The following RBM19 variants were observed in gnomAD, a reference collection of about 807,000 sequenced individuals.
RBM19 encodes probable RNA-binding protein 19.
A neutral mutation model predicts 116.8 loss-of-function variants in RBM19; 94 were observed. The ratio of observed to expected loss-of-function variants is 0.80; its 90% CI spans 0.68 to 0.95. RBM19 has a LOEUF of 0.95. Among genes scored for constraint, RBM19 ranks in the 40% least tolerant of loss-of-function variants. The pLI, the probability that RBM19 is intolerant of heterozygous loss-of-function variation, is 0.00. For synonymous variants in RBM19, 475 were observed against 494.1 expected, an observed-to-expected ratio of 0.96 and a Z score of 0.51; for missense variants, 1,161 against 1,220.7, an observed-to-expected ratio of 0.95 and a Z score of 0.73.
At chr12:113,879,431 T>TTATATATATATA (rs5801011) in intron 21 of RBM19, among the ~76,000 whole-genome samples, 7,593 of 132,390 alleles carry the variant, frequency 0.057, 409 homozygotes, top group East Asian at 0.17. Flanking sequence ...TACATACATT[T>TTATATATATATA]TATATATATA....
At chr12:113,819,675 C>T (rs528007315), downstream of RBM19, among the ~76,000 whole-genome samples, 5 of 152,296 alleles carry the variant, frequency 3.3e-5, no homozygotes, top group East Asian at 5.8e-4. Flanking sequence ...CCAGTGACAG[C>T]GGTGACTCAG....
At chr12:113,878,462 T>C in intron 21 of RBM19, among the ~76,000 whole-genome samples, 1 of 152,138 alleles carries the variant, frequency 6.6e-6, no homozygotes, top group East Asian at 1.9e-4. Flanking sequence ...GATGGATAAG[T>C]TTCCAGGGAT....
At chr12:113,961,584 T>C (rs1872506268) in intron 2 of RBM19, among the ~76,000 whole-genome samples, 1 of 152,208 alleles carries the variant, frequency 6.6e-6, no homozygotes, top group South Asian at 2.1e-4. Flanking sequence ...GACATATATA[T>C]ATTTATCCAT....
chr12:113,912,457 A>G (rs1882491902), intron 21 of RBM19, among the ~76,000 whole-genome samples: 1 of 152,234 alleles, frequency 6.6e-6, no homozygotes, highest in African/African-American at 2.4e-5. Context: ...GGCAGCAGAG[A>G]GGAGTGGCTC....
intron 22 of RBM19, among the ~76,000 whole-genome samples, chr12:113,850,412 A>G (rs1246734892): frequency 6.6e-6 from 1 of 152,192 alleles, no homozygotes; most frequent in African/African-American, 2.4e-5. Context: ...CTCTGACTCA[A>G]GCCATGGACT....
chr12:113,889,206 G>A (rs1880765357), intron 21 of RBM19, among the ~76,000 whole-genome samples: 1 of 152,198 alleles, frequency 6.6e-6, no homozygotes, highest in African/African-American at 2.4e-5. Context: ...TCCACTAGAT[G>A]CCAGCAGCAC....
chr12:113,849,243 C>T (rs1306768608), intron 22 of RBM19, among the ~76,000 whole-genome samples: 1 of 152,236 alleles, frequency 6.6e-6, no homozygotes, highest in African/African-American at 2.4e-5. Context: ...AATCTTGAAC[C>T]CTGGAGGGAA....
chr12:113,881,792 C>G (rs1880153141), intron 21 of RBM19, among the ~76,000 whole-genome samples: 1 of 152,220 alleles, frequency 6.6e-6, no homozygotes, highest in East Asian at 1.9e-4. Context: ...CAAAATCCTT[C>G]CTTGTGAAAA....
intron 23 of RBM19, among the ~76,000 whole-genome samples, chr12:113,829,684 T>C (rs1237817021): frequency 6.6e-6 from 1 of 152,194 alleles, no homozygotes; most frequent in Admixed American, 6.5e-5. Context: ...CCCAGCCTTC[T>C]CTGAGTTACC....
chr12:113,944,485 C>T lies in RBM19; in HGVS notation c.1626+1343G>A, dbSNP rs550902861. ...CAGGCTTTCTGCAAAGTACCTTAGA[C>T]AAAGTATACTTTGTACTTCATATAT... is the stretch of plus-strand genomic sequence containing the variant. On this transcript the variant is annotated intron_variant, in intron 13 of 23. Coordinates refer to ENST00000261741, the MANE Select transcript of RBM19 (RefSeq NM_016196.4). 5.9e-5 allele frequency among the ~76,000 whole-genome samples: 9 copies of T among 152,152 alleles called. No homozygotes were observed. The South Asian group carries it at 1.9e-3, about 32-fold the overall frequency.
At chr12:113,847,211 G>A (rs1012482782) in intron 22 of RBM19, among the ~76,000 whole-genome samples, 1 of 152,200 alleles carries the variant, frequency 6.6e-6, no homozygotes, top group Non-Finnish European at 1.5e-5. Flanking sequence ...AAATGAATCC[G>A]AAGAGACAAA....
chr12:113,904,861 TG>T (rs1303124166), intron 21 of RBM19, among the ~76,000 whole-genome samples: 2 of 152,152 alleles, frequency 1.3e-5, no homozygotes, highest in African/African-American at 4.8e-5. Flanking sequence ...CGTCCCCGAA[TG>T]TGGCCAATCA....
At chr12:113,835,304 A>G (rs958309516) in intron 23 of RBM19, among the ~76,000 whole-genome samples, 2 of 152,122 alleles carry the variant, frequency 1.3e-5, no homozygotes, top group African/African-American at 4.8e-5. Context: ...ATGGTCACTG[A>G]GTGCCTCCTC....
rs764565638 is a variant in RBM19 at position 113,924,704 on chromosome 12, GTTC to G, written c.2295_2297del (p.Lys765del). On this transcript the variant is annotated inframe_deletion, in exon 18 of 24. Transcript: ENST00000261741. ...GAATTTCATGCGGAATACCTGCTTT[GTTC>G]TTCTTCTTGGAGATGGAGCAGCTCT... 4.0e-4 allele frequency: 620 copies of G among 1,544,410 alleles called. 1 individual carries two copies. The highest frequency in any genetic ancestry group is 5.2e-4 in the Non-Finnish European group (586 of 1,116,826).
At chr12:113,866,798 A>T (rs983440396) in intron 21 of RBM19, among the ~76,000 whole-genome samples, 8 of 152,236 alleles carry the variant, frequency 5.3e-5, no homozygotes, top group Non-Finnish European at 1.2e-4. Flanking sequence ...CCAGGTGGAC[A>T]TCTGGGCCCA....
At chr12:113,873,703 A>G (rs975399730) in intron 21 of RBM19, among the ~76,000 whole-genome samples, 3 of 151,634 alleles carry the variant, frequency 2.0e-5, no homozygotes, top group Non-Finnish European at 4.4e-5. Context: ...AAAAAAAAAA[A>G]AAAAGAAAAG....
intron 22 of RBM19, 84 bp from the exon 23 acceptor site, chr12:113,844,872 C>T: frequency 2.0e-6 from 3 of 1,486,152 alleles, no homozygotes; most frequent in Non-Finnish European, 1.8e-6. Flanking sequence ...TGCCTGCCTG[C>T]GTCTCAGATG....
chr12:113,957,970 C>A lies in RBM19; in HGVS notation c.652G>T (p.Ala218Ser), dbSNP rs775860918. The A allele has an allele frequency of 6.8e-6, 11 of 1,614,104 alleles. No homozygotes were observed. In the Admixed American group the frequency reaches 8.3e-5, roughly 12 times the overall value. The part of the protein sequence containing the change: ...MDYLKSKMVK[A>S]GSSSSSEEEE... ...TCCTCCGAGGAAGAGGACGACCCAGCCTTCACCATCTTGGATTTCAGGTAA... is the reference window on the plus strand; with the variant it reads ...TCCTCCGAGGAAGAGGACGACCCAGACTTCACCATCTTGGATTTCAGGTAA... The change falls in exon 6 of 24, where the codon GCT (alanine) becomes TCT (serine). Residue 218 changes from alanine to serine, a missense_variant. Physicochemically the swap from Ala to Ser is moderately conservative, Grantham distance 99. Transcript: ENST00000261741.
intron 23 of RBM19, among the ~76,000 whole-genome samples, chr12:113,831,866 A>G (rs1210135242): frequency 6.6e-6 from 1 of 152,144 alleles, no homozygotes; most frequent in Non-Finnish European, 1.5e-5. Context: ...ACTGGGCGAT[A>G]CCTGCTCCAG....
Sources: allele counts gnomAD v4.1 joint callset (sites outside exome capture counted in the v4.1 genomes callset), GRCh38; gene constraint gnomAD v4.1.1; transcripts MANE v1.5; gene names NCBI Gene and HGNC (gene_info 2026-07-23, HGNC 2026-07-21).